Variants in TNFSF11 observed in about 807,000 individuals in gnomAD.
The protein encoded by TNFSF11 is tumor necrosis factor ligand superfamily member 11.
In TNFSF11, 12 loss-of-function variants were observed where a neutral mutation model predicts 32.2. The observed-to-expected ratio is 0.37, with a 90% CI of 0.24 to 0.60. The LOEUF (loss-of-function observed/expected upper bound fraction) is 0.60. Ranked by LOEUF, TNFSF11 falls within the 20% of genes least tolerant of loss-of-function variation. The probability of loss-of-function intolerance (pLI) is 0.66; values close to 1 mark genes in which losing one functional copy is unlikely to be tolerated. For synonymous variants in TNFSF11, 172 were observed against 152.1 expected, an observed-to-expected ratio of 1.13 and a Z score of -0.96; for missense variants, 345 against 398.0, an observed-to-expected ratio of 0.87 and a Z score of 1.13.
At chr13:42,584,479 C>T (rs1270390670) in intron 2 of TNFSF11, among the ~76,000 whole-genome samples, 2 of 152,182 alleles carry the variant, frequency 1.3e-5, no homozygotes, top group Non-Finnish European at 2.9e-5. Context: ...TTTCTGCCAC[C>T]TCCTGCCTCA....
chr13:42,563,910 T>C (rs1872775470), intron 1 of TNFSF11, among the ~76,000 whole-genome samples: 1 of 152,208 alleles, frequency 6.6e-6, no homozygotes, highest in Non-Finnish European at 1.5e-5. Context: ...AATATACTTC[T>C]ATGTTCCTTC....
chr13:42,600,963 G>A lies in TNFSF11; in HGVS notation c.514G>A (p.Ala172Thr), dbSNP rs1281314514. Residue 172 changes from alanine (A) to threonine (T), a missense_variant, in exon 4 of 5, where the codon GCC becomes ACC. Ala to Thr is a moderately conservative substitution (Grantham distance 58). Around this residue, in one of 2 missense-constraint regions of TNFSF11, gnomAD observed 148 missense variants for 216.0 expected, o/e 0.69. Transcript: ENST00000398795. Reference sequence around the variant, plus strand: ...GCCTTTTGCTCATCTCACTATTAATGCCACCGACATCCCATCTGGTAAGCT... The same window carrying A: ...GCCTTTTGCTCATCTCACTATTAATACCACCGACATCCCATCTGGTAAGCT... ...AQPFAHLTIN[A>T]TDIPSGSHKV... is the part of the protein sequence containing the mutation. 12 of 1,613,944 alleles carry A rather than the reference G, an allele frequency of 7.4e-6. No individual in the cohort carries two copies. The highest frequency in any genetic ancestry group is 2.2e-5 in the East Asian group (1 of 44,898).
intron 2 of TNFSF11, among the ~76,000 whole-genome samples, chr13:42,585,282 C>G (rs1417879165): frequency 6.6e-6 from 1 of 152,114 alleles, no homozygotes; most frequent in Admixed American, 6.5e-5. Flanking sequence ...TTGAGTGAAC[C>G]CTTAAAACAA....
At chr13:42,602,003 T>A (rs1477252921) in intron 4 of TNFSF11, among the ~76,000 whole-genome samples, 1 of 152,192 alleles carries the variant, frequency 6.6e-6, no homozygotes, top group African/African-American at 2.4e-5. Context: ...TATTATCACA[T>A]AAGCAGGCCA....
chr13:42,576,925 T>A (rs77685160), intron 1 of TNFSF11, among the ~76,000 whole-genome samples: 37 of 152,380 alleles, frequency 2.4e-4, no homozygotes, highest in Non-Finnish European at 4.6e-4. Flanking sequence ...TCCCCTTTTA[T>A]GTGTGTTAGA....
chr13:42,577,663 T>A (rs1873389167), intron 1 of TNFSF11, among the ~76,000 whole-genome samples: 1 of 152,114 alleles, frequency 6.6e-6, no homozygotes, highest in Non-Finnish European at 1.5e-5. Flanking sequence ...CTTCCCTCGA[T>A]CCCCCAATAT....
chr13:42,605,289 T>C (rs1179962824), intron 4 of TNFSF11, among the ~76,000 whole-genome samples: 1 of 152,204 alleles, frequency 6.6e-6, no homozygotes, highest in African/African-American at 2.4e-5. Flanking sequence ...TCAACTCCAG[T>C]CTGAGACTCA....
upstream of TNFSF11, among the ~76,000 whole-genome samples, chr13:42,569,889 AT>A (rs1193607208): frequency 6.6e-6 from 1 of 152,202 alleles, no homozygotes; most frequent in Non-Finnish European, 1.5e-5. Flanking sequence ...ATGTGAAAAA[AT>A]GTAAAACAGT....
At chr13:42,594,649 C>T (rs1186613006) in intron 2 of TNFSF11, among the ~76,000 whole-genome samples, 1 of 152,198 alleles carries the variant, frequency 6.6e-6, no homozygotes, top group Non-Finnish European at 1.5e-5. Flanking sequence ...CTGAGTGGCC[C>T]TAGTTTACTG....
At chr13:42,597,015 C>A (rs1267315095) in intron 2 of TNFSF11, among the ~76,000 whole-genome samples, 14 of 152,242 alleles carry the variant, frequency 9.2e-5, no homozygotes. Flanking sequence ...TACAAAACTT[C>A]AGTTACAATC....
At chr13:42,569,128 G>A (rs1026138405) in intron 2 of TNFSF11, among the ~76,000 whole-genome samples, 8 of 152,086 alleles carry the variant, frequency 5.3e-5, no homozygotes, top group African/African-American at 9.7e-5. Context: ...CCCAGACTCC[G>A]TGACTATGTT....
upstream of TNFSF11, among the ~76,000 whole-genome samples, chr13:42,572,687 T>C (rs2044789931): frequency 6.6e-6 from 1 of 152,204 alleles, no homozygotes; most frequent in Non-Finnish European, 1.5e-5. Context: ...CATTTTTGAA[T>C]TTGAACAGAT....
intron 2 of TNFSF11, among the ~76,000 whole-genome samples, chr13:42,595,460 G>C (rs1355634681): frequency 1.3e-5 from 2 of 152,202 alleles, no homozygotes; most frequent in African/African-American, 4.8e-5. Context: ...GCCGTATCCT[G>C]AGAAGGTAGA....
At chr13:42,583,377 A>G (rs555202025) in intron 2 of TNFSF11, among the ~76,000 whole-genome samples, 1 of 137,588 alleles carries the variant, frequency 7.3e-6, no homozygotes, top group Non-Finnish European at 1.5e-5. Flanking sequence ...GCACCAGTGC[A>G]CTCCAGCCTG....
chr13:42,589,037 G>A (rs1469892859), intron 2 of TNFSF11, among the ~76,000 whole-genome samples: 2 of 152,184 alleles, frequency 1.3e-5, no homozygotes, highest in African/African-American at 2.4e-5. Context: ...ACTAGGTAGC[G>A]GCGGCGGTGG....
chr13:42,567,944 C>T (rs1235571890), intron 2 of TNFSF11, among the ~76,000 whole-genome samples: 1 of 152,174 alleles, frequency 6.6e-6, no homozygotes, highest in African/African-American at 2.4e-5. Context: ...TATCAGACAC[C>T]AAATAACTGA....
At position 42,606,748 on chromosome 13, in the gene TNFSF11, A is replaced by G; in HGVS notation, c.784A>G (p.Lys262Glu). The change falls in exon 5 of 5, where the codon AAG (lysine) becomes GAG (glutamate). Residue 262 changes from lysine (K) to glutamate (E), a missense_variant. Lys to Glu is a moderately conservative substitution (Grantham distance 56). This residue lies in a region of TNFSF11 where 148 missense variants were observed against 216.0 expected (regional missense o/e 0.69). Transcript: ENST00000398795. ...TACCCTGATGAAAGGAGGAAGCACC[A>G]AGTATTGGTCAGGGAATTCTGAATT... ...SHTLMKGGST[K>E]YWSGNSEFHF... 4 of 1,614,184 alleles carry G rather than the reference A, an allele frequency of 2.5e-6. No individual in the cohort carries two copies. Among genetic ancestry groups the G allele is most frequent in the Non-Finnish European group, 3.4e-6 (4 of 1,180,022 alleles).
chr13:42,601,092 T>G, intron 4 of TNFSF11, 111 bp downstream of exon 4: 1 of 1,190,688 alleles, frequency 8.4e-7, no homozygotes, highest in East Asian at 2.4e-5. Context: ...GAGCCCTTAC[T>G]TCAAAGCCAA....
At position 42,607,119 on chromosome 13, in the gene TNFSF11, C is replaced by A; in HGVS notation, c.*201C>A. The A allele has an allele frequency of 1.6e-6, 1 of 627,272 alleles. No individual in the cohort carries two copies. The highest frequency in any genetic ancestry group is 2.1e-5 in the South Asian group (1 of 46,586). 38.9% of individuals were successfully genotyped at this position (627,272 alleles called of 1,614,324 possible). On this transcript the variant is annotated 3_prime_UTR_variant, in exon 5 of 5. Transcript: ENST00000398795. The stretch of plus-strand genomic sequence containing the variant: ...GAGATGTTAGACTCATGGTGTGTTA[C>A]ACAATGGTTTTTAAATTTTGTAATG...
Sources: allele counts gnomAD v4.1 joint callset (sites outside exome capture counted in the v4.1 genomes callset), GRCh38; gene constraint gnomAD v4.1.1; regional missense constraint gnomAD v4.1.1; transcripts MANE v1.5; gene names NCBI Gene and HGNC (gene_info 2026-07-23, HGNC 2026-07-21).